Variants in IQGAP1 observed in about 807,000 individuals in gnomAD.
IQGAP1 encodes IQ motif containing GTPase activating protein 1.
A neutral mutation model predicts 215.6 loss-of-function variants in IQGAP1; 66 were observed. The observed-to-expected ratio is 0.31, with a 90% CI of 0.25 to 0.38. The LOEUF is 0.38. IQGAP1 is among the 10% of genes least tolerant of loss of function. The pLI is 1.00. For missense variants in IQGAP1, 1,712 were observed against 1,997.1 expected (o/e 0.86, Z 2.72); for synonymous variants, 772 against 728.7 (o/e 1.06, Z -0.96).
At position 90,465,971 on chromosome 15, in the gene IQGAP1, C is replaced by T. The variant is rs369657401; in HGVS notation, c.1777-30C>T. The T allele has an allele frequency of 2.6e-6, 4 of 1,558,264 alleles. No homozygotes were observed. In the African/African-American group the frequency reaches 5.4e-5, roughly 21 times the overall value. Reference sequence around the variant, plus strand: ...TGTTACATGTACCCTGATTTCATGACTTTAATATTTTGCTTTTAATGATAT... The same window carrying T: ...TGTTACATGTACCCTGATTTCATGATTTTAATATTTTGCTTTTAATGATAT... On this transcript the variant is annotated intron_variant, in intron 15 of 37. Coordinates refer to ENST00000268182, the MANE Select transcript of IQGAP1 (RefSeq NM_003870.4).
At position 90,425,475 on chromosome 15, in the gene IQGAP1, T is replaced by C. The variant is rs148906022; in HGVS notation, c.156-635T>C. On this transcript the variant is annotated intron_variant, in intron 2 of 37. Coordinates refer to ENST00000268182, the MANE Select transcript of IQGAP1 (RefSeq NM_003870.4). ...TTTGAAGGGGAAAATACAGTTTTCT[T>C]TTTTTCTTTGTTTTATTCTTTTTCT... Among the ~76,000 whole-genome samples, 472 of 152,314 alleles carry C rather than the reference T, an allele frequency of 3.1e-3. 1 individual carries two copies. Among genetic ancestry groups the C allele is most frequent in the East Asian group, 9.8e-3 (51 of 5,190 alleles).
intron 37 of IQGAP1, 26 bp from the exon 38 acceptor site, chr15:90,499,959 AATGTTTTGTT>A (rs1966320545): frequency 9.3e-7 from 1 of 1,069,764 alleles, no homozygotes. Context: ...TAACTGTCAA[AATGTTTTGTT>A]TTGTTTTGTT....
intron 22 of IQGAP1, 28 bp from the exon 23 acceptor site, chr15:90,474,457 C>CG: frequency 6.4e-7 from 1 of 1,551,608 alleles, no homozygotes; most frequent in Non-Finnish European, 8.9e-7. Flanking sequence ...TCTGCTAACT[C>CG]CATTCTTTGA....
intron 2 of IQGAP1, among the ~76,000 whole-genome samples, chr15:90,396,290 T>A (rs1188579601): frequency 6.6e-6 from 1 of 152,142 alleles, no homozygotes; most frequent in East Asian, 1.9e-4. Context: ...CCTGGGATCA[T>A]GAAAATAGAA....
intron 18 of IQGAP1, among the ~76,000 whole-genome samples, chr15:90,469,076 G>A (rs796506176): frequency 6.6e-6 from 1 of 152,170 alleles, no homozygotes; most frequent in Admixed American, 6.5e-5. Context: ...CTTTCTCAAA[G>A]GGGAAGTTAC....
intron 22 of IQGAP1, 70 bp downstream of exon 22, chr15:90,474,203 C>T: frequency 1.5e-6 from 2 of 1,353,866 alleles, no homozygotes; most frequent in Non-Finnish European, 2.0e-6. Context: ...GTATTCTCCA[C>T]AGACCTCTTT....
At position 90,486,411 on chromosome 15, in the gene IQGAP1, A is replaced by G. The variant is rs1966127771; in HGVS notation, c.4024+279A>G. 4 of 272,854 alleles carry G rather than the reference A, an allele frequency of 1.5e-5. No individual in the cohort carries two copies. The Admixed American group carries it at 1.5e-4, about 10-fold the overall frequency. The allele number at this position is 272,854 out of a possible 1,614,324, so 16.9% of individuals were successfully genotyped here. ...GTTTTTTTAAAAAAATTGCAGATAC[A>G]TAAATTAAAAGTCCTCTAAAGGAAA... On this transcript the variant is annotated intron_variant, in intron 31 of 37. Transcript: ENST00000268182.
chr15:90,412,586 C>T (rs535941373), intron 2 of IQGAP1, among the ~76,000 whole-genome samples: 1 of 152,212 alleles, frequency 6.6e-6, no homozygotes, highest in South Asian at 2.1e-4. Flanking sequence ...CCTCTTTCTG[C>T]GTATGGTGAA....
At chr15:90,485,316 C>T (rs942599926) in intron 30 of IQGAP1, among the ~76,000 whole-genome samples, 1 of 152,168 alleles carries the variant, frequency 6.6e-6, no homozygotes, top group African/African-American at 2.4e-5. Context: ...TAAATCATGT[C>T]ATACACTGGA....
At chr15:90,469,010 T>C (rs963147903) in intron 18 of IQGAP1, among the ~76,000 whole-genome samples, 4 of 152,180 alleles carry the variant, frequency 2.6e-5, no homozygotes, top group East Asian at 1.9e-4. Flanking sequence ...TTAGTGACAT[T>C]TGTGCTTGTC....
chr15:90,465,075 C>T (rs765285285), intron 15 of IQGAP1, among the ~76,000 whole-genome samples: 6 of 152,176 alleles, frequency 3.9e-5, no homozygotes, highest in Non-Finnish European at 8.8e-5. Context: ...GTTAGCTGTA[C>T]TAAGGAAAGT....
In IQGAP1 at chr15:90,434,305, G is replaced by A. The variant is rs187262920; in HGVS notation, c.467+510G>A. 1.8e-3 allele frequency among the ~76,000 whole-genome samples: 274 copies of A among 152,134 alleles called. 1 individual carries two copies. Among genetic ancestry groups the A allele is most frequent in the Admixed American group, 3.9e-3 (60 of 15,284 alleles). On this transcript the variant is annotated intron_variant, in intron 5 of 37. Transcript: ENST00000268182. ...TACAAAAAATTAGCTGGGCATGGTG[G>A]CGGGTGCCTGTAATCCCAGCTACTC...
chr15:90,459,097 A>G (rs754477300), intron 15 of IQGAP1, among the ~76,000 whole-genome samples: 9 of 152,246 alleles, frequency 5.9e-5, no homozygotes, highest in Non-Finnish European at 1.2e-4. Context: ...AATTTCTTTT[A>G]GCCCTTCCGC....
intron 37 of IQGAP1, among the ~76,000 whole-genome samples, chr15:90,499,689 A>T (rs2107436): frequency 0.19 from 28,465 of 152,194 alleles, 2,775 homozygotes; most frequent in South Asian, 0.23. Context: ...TGTGTGTGGC[A>T]ATTGAACATG....
chr15:90,444,878 A>G lies in IQGAP1; in HGVS notation c.913+1400A>G, dbSNP rs562651918. Among the ~76,000 whole-genome samples, 39 of 152,358 alleles carry G rather than the reference A, an allele frequency of 2.6e-4. No homozygotes were observed. The South Asian group carries it at 6.4e-3, about 25-fold the overall frequency. On this transcript the variant is annotated intron_variant, in intron 9 of 37. Coordinates refer to ENST00000268182, the MANE Select transcript of IQGAP1 (RefSeq NM_003870.4). ...GGAATCTGGGCCAGGCAATTCCAGC[A>G]TTTTGGAAGGCCAGGGCAGGTGGAT...
chr15:90,462,014 T>C (rs1321650045), intron 15 of IQGAP1, among the ~76,000 whole-genome samples: 1 of 115,374 alleles, frequency 8.7e-6, no homozygotes, highest in Non-Finnish European at 1.9e-5. Context: ...AAAAAAAAAT[T>C]AGCCCGGCAT....
chr15:90,413,819 CT>C (rs1318256726), intron 2 of IQGAP1, among the ~76,000 whole-genome samples: 1 of 152,120 alleles, frequency 6.6e-6, no homozygotes, highest in East Asian at 1.9e-4. Flanking sequence ...GTTGCTAATC[CT>C]GCTTTATATA....
At chr15:90,480,206 T>C (rs1966037480) in intron 26 of IQGAP1, among the ~76,000 whole-genome samples, 1 of 141,976 alleles carries the variant, frequency 7.0e-6, no homozygotes, top group African/African-American at 2.8e-5. Context: ...CTGGGCAATG[T>C]AGACCCCATA....
In IQGAP1 at chr15:90,500,789, G is replaced by C. The variant is rs989201994; in HGVS notation, c.*681G>C. ...CTGTTTGTGTAACTCCCCGACTAGT[G>C]GATGGGAGAGTCCCATTGCTAAAAT... On this transcript the variant is annotated 3_prime_UTR_variant, in exon 38 of 38. Transcript: ENST00000268182. 6.6e-6 allele frequency: 1 copy of C among 152,414 alleles called. No homozygotes were observed. The highest frequency in any genetic ancestry group is 1.5e-5 in the Non-Finnish European group (1 of 68,036). The allele number at this position is 152,414 out of a possible 1,614,324, so 9.4% of individuals were successfully genotyped here. A position where few individuals can be genotyped will look rare whatever the true frequency, so the allele number is the denominator to read the frequency against.
Sources: gnomAD v4.1 joint callset for allele counts (sites outside exome capture counted in the v4.1 genomes callset) on GRCh38, gnomAD v4.1.1 for gene constraint, MANE v1.5 for transcripts, NCBI Gene and HGNC (gene_info 2026-07-23, HGNC 2026-07-21) for gene names.